Variants in ANKRD17 observed in about 807,000 individuals in gnomAD.
ANKRD17 encodes ankyrin repeat domain 17, also known as ankyrin repeat domain-containing protein 17.
In ANKRD17, 19 loss-of-function variants were observed where a neutral mutation model predicts 229.7. That is an observed-to-expected ratio of 0.08 (90% CI 0.06 to 0.12). The LOEUF (loss-of-function observed/expected upper bound fraction) is 0.12. Among genes scored for constraint, ANKRD17 ranks in the 10% least tolerant of loss-of-function variants. ANKRD17 has a pLI of 1.00. For synonymous variants in ANKRD17, 1,112 were observed against 1,146.1 expected, an observed-to-expected ratio of 0.97 and a Z score of 0.60; for missense variants, 2,176 against 3,176.8, an observed-to-expected ratio of 0.68 and a Z score of 7.57.
chr4:73,168,085 G>A (rs560626097), intron 2 of ANKRD17, among the ~76,000 whole-genome samples: 4 of 151,634 alleles, frequency 2.6e-5, no homozygotes, highest in African/African-American at 7.3e-5. Context: ...CCCGGGAGGC[G>A]GAGCTTGCAG....
At chr4:73,196,551 C>T (rs559692511) in intron 1 of ANKRD17, among the ~76,000 whole-genome samples, 9 of 152,086 alleles carry the variant, frequency 5.9e-5, no homozygotes, top group South Asian at 2.1e-4. Context: ...TATATTTACA[C>T]ACACACACAA....
At chr4:73,255,924 C>G (rs1255384945) in intron 1 of ANKRD17, among the ~76,000 whole-genome samples, 2 of 152,144 alleles carry the variant, frequency 1.3e-5, no homozygotes. Flanking sequence ...TGGGGTTTCA[C>G]CATGTTGGCC....
At chr4:73,078,116 C>T (rs1017533332) in intron 31 of ANKRD17, among the ~76,000 whole-genome samples, 1 of 151,960 alleles carries the variant, frequency 6.6e-6, no homozygotes, top group Non-Finnish European at 1.5e-5. Flanking sequence ...CAGTGGCTCA[C>T]GCCTGTAATC....
chr4:73,099,546 C>T (rs1411760650), intron 25 of ANKRD17, among the ~76,000 whole-genome samples: 2 of 152,328 alleles, frequency 1.3e-5, no homozygotes, highest in Middle Eastern at 3.4e-3. Flanking sequence ...TCTGGCTTCC[C>T]ATAGTGTGGT....
At chr4:73,170,259 C>G (rs1318858979) in intron 2 of ANKRD17, among the ~76,000 whole-genome samples, 1 of 152,018 alleles carries the variant, frequency 6.6e-6, no homozygotes, top group Non-Finnish European at 1.5e-5. Flanking sequence ...GGGCACCAGT[C>G]AGATTCGTGA....
At chr4:73,223,023 A>C in intron 1 of ANKRD17, 1 of 1,536,122 alleles carries the variant, frequency 6.5e-7, no homozygotes, top group Non-Finnish European at 8.7e-7. Flanking sequence ...CGCTGTCTCC[A>C]CCATGTTTTA....
chr4:73,210,900 T>C (rs1378525192), intron 1 of ANKRD17, among the ~76,000 whole-genome samples: 1 of 152,104 alleles, frequency 6.6e-6, no homozygotes, highest in African/African-American at 2.4e-5. Context: ...GTTAACTGAA[T>C]CTAAGTTTAA....
At chr4:73,154,897 C>T (rs1394994443) in intron 5 of ANKRD17, among the ~76,000 whole-genome samples, 3 of 151,870 alleles carry the variant, frequency 2.0e-5, no homozygotes, top group African/African-American at 7.3e-5. Flanking sequence ...AAAAATTAGC[C>T]GGGCATAGTG....
intron 21 of ANKRD17, among the ~76,000 whole-genome samples, chr4:73,119,913 T>C (rs936829743): frequency 2.6e-4 from 40 of 152,302 alleles, no homozygotes; most frequent in African/African-American, 8.9e-4. Flanking sequence ...TAGCTTGTTA[T>C]TGTAGACGTT....
At chr4:73,155,508 G>C in intron 5 of ANKRD17, 123 bp downstream of exon 5, 3 of 1,013,880 alleles carry the variant, frequency 3.0e-6, no homozygotes, top group Admixed American at 4.9e-5. Flanking sequence ...ACAGATGTGT[G>C]AGAATATGTA....
At chr4:73,114,472 A>G (rs1725691413) in intron 23 of ANKRD17, among the ~76,000 whole-genome samples, 1 of 152,048 alleles carries the variant, frequency 6.6e-6, no homozygotes, top group South Asian at 2.1e-4. Flanking sequence ...TTTTAGAGAT[A>G]GGGGCTTGCC....
chr4:73,107,444 G>A (rs1724780706), intron 24 of ANKRD17, among the ~76,000 whole-genome samples: 1 of 152,194 alleles, frequency 6.6e-6, no homozygotes, highest in Admixed American at 6.5e-5. Context: ...CATTTAGTTG[G>A]TTAGGGGAGG....
intron 7 of ANKRD17, 75 bp from the exon 8 acceptor site, chr4:73,149,125 T>A: frequency 8.4e-7 from 1 of 1,190,514 alleles, no homozygotes; most frequent in Non-Finnish European, 1.2e-6. Context: ...ACTTCTCAAT[T>A]ACTATACAAT....
chr4:73,148,202 C>T (rs1730541417), intron 8 of ANKRD17, among the ~76,000 whole-genome samples: 1 of 152,014 alleles, frequency 6.6e-6, no homozygotes, highest in African/African-American at 2.4e-5. Context: ...AAGTGTCATT[C>T]CTCTTAAATT....
intron 24 of ANKRD17, among the ~76,000 whole-genome samples, chr4:73,111,567 T>G (rs1725323088): frequency 6.6e-6 from 1 of 152,192 alleles, no homozygotes; most frequent in Non-Finnish European, 1.5e-5. Context: ...TTGACCCACA[T>G]GAAGGAACTT....
chr4:73,137,692 CTATG>C (rs1039515919), intron 15 of ANKRD17, among the ~76,000 whole-genome samples: 1 of 152,024 alleles, frequency 6.6e-6, no homozygotes, highest in African/African-American at 2.4e-5. Context: ...CTCCTTCTGG[CTATG>C]TTTCTCTCCC....
intron 30 of ANKRD17, among the ~76,000 whole-genome samples, chr4:73,083,389 C>T (rs562878484): frequency 6.6e-6 from 1 of 152,034 alleles, no homozygotes; most frequent in Non-Finnish European, 1.5e-5. Flanking sequence ...GTTTTTAGGT[C>T]TGAAGTGTCA....
intron 1 of ANKRD17, among the ~76,000 whole-genome samples, chr4:73,230,837 T>C (rs1742974432): frequency 6.6e-6 from 1 of 152,134 alleles, no homozygotes; most frequent in Non-Finnish European, 1.5e-5. Flanking sequence ...CTCGCATTTG[T>C]TGTCTCTACC....
intron 1 of ANKRD17, among the ~76,000 whole-genome samples, chr4:73,183,075 C>G (rs369856755): frequency 4.1e-4 from 62 of 152,278 alleles, no homozygotes; most frequent in African/African-American, 1.5e-3. Flanking sequence ...CATTTTGCAG[C>G]AAAACTGACC....
Sources: gnomAD v4.1 joint callset for allele counts (sites outside exome capture counted in the v4.1 genomes callset) on GRCh38, gnomAD v4.1.1 for gene constraint, MANE v1.5 for transcripts, NCBI Gene and HGNC (gene_info 2026-07-23, HGNC 2026-07-21) for gene names.